The following PCDHA7 variants were observed in gnomAD, a reference collection of about 807,000 sequenced individuals.
PCDHA7 encodes the protein protocadherin alpha-7.
PCDHA7 carries 37 observed loss-of-function variants against 57.2 expected under a neutral mutation model. The observed-to-expected ratio is 0.65, with a 90% CI of 0.50 to 0.85. The LOEUF is 0.85. PCDHA7 is among the 40% of genes least tolerant of loss of function. The pLI is 0.00. For missense variants in PCDHA7, 1,188 were observed against 1,241.8 expected, an observed-to-expected ratio of 0.96 and a Z score of 0.65; for synonymous variants, 553 against 558.8, an observed-to-expected ratio of 0.99 and a Z score of 0.15.
At chr5:140,994,433 T>G (rs2097622592) in intron 3 of PCDHA7, among the ~76,000 whole-genome samples, 1 of 152,204 alleles carries the variant, frequency 6.6e-6, no homozygotes, top group African/African-American at 2.4e-5. Flanking sequence ...CCGGGCGCAG[T>G]GGCTCACACC....
At chr5:140,840,931 G>T (rs529661807) in intron 1 of PCDHA7, among the ~76,000 whole-genome samples, 1 of 151,938 alleles carries the variant, frequency 6.6e-6, no homozygotes, top group Non-Finnish European at 1.5e-5. Flanking sequence ...TAATTGATAC[G>T]ATATTTGAAA....
chr5:140,880,810 T>C (rs552209492), intron 1 of PCDHA7, among the ~76,000 whole-genome samples: 90 of 152,330 alleles, frequency 5.9e-4, no homozygotes, highest in Non-Finnish European at 1.1e-3. Flanking sequence ...TGAATGACTC[T>C]AGAGTGTCTG....
intron 1 of PCDHA7, among the ~76,000 whole-genome samples, chr5:140,936,526 C>T (rs183606913): frequency 6.6e-6 from 1 of 152,302 alleles, no homozygotes; most frequent in East Asian, 1.9e-4. Flanking sequence ...CCTGAAATTG[C>T]TTTTGAATAT....
At chr5:140,899,402 G>C (rs1465071147) in intron 1 of PCDHA7, among the ~76,000 whole-genome samples, 20 of 152,122 alleles carry the variant, frequency 1.3e-4, no homozygotes, top group East Asian at 7.7e-4. Flanking sequence ...TAGCATGAAG[G>C]GTTGTTGAAT....
At chr5:140,850,321 A>G (rs2150479492) in intron 1 of PCDHA7, 1 of 1,597,400 alleles carries the variant, frequency 6.3e-7, no homozygotes, top group Admixed American at 1.7e-5. Context: ...TGGCTTTCAT[A>G]CGAGCTGCAG....
chr5:140,994,017 T>C (rs2153920554), intron 3 of PCDHA7, among the ~76,000 whole-genome samples: 1 of 152,336 alleles, frequency 6.6e-6, no homozygotes, highest in South Asian at 2.1e-4. Flanking sequence ...TTCTAGGTGA[T>C]GCAGATATAA....
intron 1 of PCDHA7, chr5:140,853,500 T>C (rs2042770346): frequency 1.0e-6 from 1 of 977,532 alleles, no homozygotes; most frequent in Non-Finnish European, 1.2e-6. Flanking sequence ...GTTAGAATCA[T>C]GAAACAATAA....
chr5:140,948,107 C>T (rs1156492592), intron 1 of PCDHA7, among the ~76,000 whole-genome samples: 3 of 151,432 alleles, frequency 2.0e-5, no homozygotes, highest in Middle Eastern at 3.2e-3. Flanking sequence ...GATTTTTCTT[C>T]GTTTTACTAA....
chr5:140,922,164 A>G lies in PCDHA7; in HGVS notation c.2356-56785A>G, dbSNP rs1382732959. Among the ~76,000 whole-genome samples the G allele has an allele frequency of 2.1e-5, 3 of 145,926 alleles. No individual in the cohort carries two copies. The East Asian group carries it at 6.4e-4, about 31-fold the overall frequency. Reference sequence around the variant, plus strand: ...CATGAAACTCATCAAAAACAACAAAAAGTACAGCAGACAAAAAAAAAGTCT... The same window carrying G: ...CATGAAACTCATCAAAAACAACAAAGAGTACAGCAGACAAAAAAAAAGTCT... On this transcript the variant is annotated intron_variant, in intron 1 of 3. Transcript: ENST00000525929.
At chr5:140,951,544 G>C (rs543008494) in intron 1 of PCDHA7, among the ~76,000 whole-genome samples, 1 of 151,878 alleles carries the variant, frequency 6.6e-6, no homozygotes, top group African/African-American at 2.4e-5. Context: ...AGCAAGGGAC[G>C]GGGGGAAGTG....
chr5:140,906,459 A>G (rs1217443805), intron 1 of PCDHA7, among the ~76,000 whole-genome samples: 1 of 152,236 alleles, frequency 6.6e-6, no homozygotes. Context: ...AAATGAAGAT[A>G]TTTTCTTAGT....
At position 140,892,638 on chromosome 5, in the gene PCDHA7, T is replaced by C. The variant is rs151070567; in HGVS notation, c.2355+55900T>C. Among the ~76,000 whole-genome samples the C allele has an allele frequency of 1.2e-4, 19 of 152,324 alleles. No homozygotes were observed. The East Asian group carries it at 2.5e-3, about 20-fold the overall frequency. ...CCAGTTGGTACATAATAATTGTACA[T>C]ATTTATAGGATACAGAGTGACATTT... is the stretch of plus-strand genomic sequence containing the variant. On this transcript the variant is annotated intron_variant, in intron 1 of 3. Transcript: ENST00000525929.
intron 1 of PCDHA7, among the ~76,000 whole-genome samples, chr5:140,959,108 C>T (rs1299073504): frequency 1.3e-5 from 2 of 151,918 alleles, no homozygotes; most frequent in East Asian, 3.9e-4. Flanking sequence ...AGCAGGGGTC[C>T]GAAGGTGGGC....
At chr5:140,891,963 A>C (rs1202145353) in intron 1 of PCDHA7, among the ~76,000 whole-genome samples, 1 of 152,214 alleles carries the variant, frequency 6.6e-6, no homozygotes, top group African/African-American at 2.4e-5. Flanking sequence ...TGTGAGAAGT[A>C]AATTTCCGTT....
At chr5:140,857,150 A>C in intron 1 of PCDHA7, 1 of 1,598,240 alleles carries the variant, frequency 6.3e-7, no homozygotes, top group Non-Finnish European at 8.6e-7. Context: ...GGGCACCGTC[A>C]TTGCCCTAAT....
chr5:140,975,514 C>T (rs549258421), intron 1 of PCDHA7, among the ~76,000 whole-genome samples: 2 of 152,304 alleles, frequency 1.3e-5, no homozygotes, highest in African/African-American at 4.8e-5. Flanking sequence ...TATGCAAAAT[C>T]TGCAGTGGAT....
At chr5:140,954,577 A>T (rs1426426958) in intron 1 of PCDHA7, among the ~76,000 whole-genome samples, 2 of 151,954 alleles carry the variant, frequency 1.3e-5, no homozygotes, top group Non-Finnish European at 1.5e-5. Flanking sequence ...TTCTTTTCAG[A>T]AGTGTCTGTT....
At position 140,858,644 on chromosome 5, in the gene PCDHA7, C is replaced by T. The variant is rs1581517400; in HGVS notation, c.2355+21906C>T. ...CCAGTGTGTCAGCCTTTGATTGGTACTTAAATTTTTTTAAATAACAATTTA... is the reference window on the plus strand; with the variant it reads ...CCAGTGTGTCAGCCTTTGATTGGTATTTAAATTTTTTTAAATAACAATTTA... On this transcript the variant is annotated intron_variant, in intron 1 of 3. Coordinates refer to ENST00000525929, the MANE Select transcript of PCDHA7 (RefSeq NM_018910.3). 16 of 921,026 alleles carry T rather than the reference C, an allele frequency of 1.7e-5. 1 individual carries two copies. Among genetic ancestry groups the T allele is most frequent in the African/African-American group, 1.2e-4 (7 of 59,878 alleles). 57.1% of individuals were successfully genotyped at this position (921,026 alleles called of 1,614,324 possible).
intron 1 of PCDHA7, chr5:140,927,596 G>T: frequency 6.2e-7 from 1 of 1,614,162 alleles, no homozygotes; most frequent in Non-Finnish European, 8.5e-7. Context: ...GTATTTGAGC[G>T]CTCCGTATAC....
Sources: allele counts gnomAD v4.1 joint callset (sites outside exome capture counted in the v4.1 genomes callset), GRCh38; gene constraint gnomAD v4.1.1; transcripts MANE v1.5; gene names NCBI Gene and HGNC (gene_info 2026-07-23, HGNC 2026-07-21).